The following TMEM44 variants were observed in gnomAD, a reference collection of about 807,000 sequenced individuals.
TMEM44 encodes transmembrane protein 44.
TMEM44 carries 43 observed loss-of-function variants against 47.8 expected under a neutral mutation model. The observed-to-expected ratio is 0.90, with a 90% CI of 0.70 to 1.16. TMEM44 has a LOEUF of 1.16. TMEM44 is among the 50% of genes most tolerant of loss of function. The pLI is 0.00. For missense variants in TMEM44, 568 were observed against 555.2 expected, an observed-to-expected ratio of 1.02 and a Z score of -0.23; for synonymous variants, 277 against 238.8, an observed-to-expected ratio of 1.16 and a Z score of -1.48.
In TMEM44 at chr3:194,593,059, C is replaced by T. The variant is rs1170877066; in HGVS notation, c.1177-4420G>A. The stretch of plus-strand genomic sequence containing the variant: ...TCCATACCTGCTCCGAGTTTAGGGC[C>T]TCCCAATACTTCTGCTGCAGAATAA... On this transcript the variant is annotated intron_variant, in intron 9 of 9. Transcript: ENST00000347147. The T allele has an allele frequency of 3.1e-6, 5 of 1,613,706 alleles. No individual in the cohort carries two copies. The East Asian group carries it at 1.1e-4, about 36-fold the overall frequency.
intron 9 of TMEM44, among the ~76,000 whole-genome samples, chr3:194,600,019 C>T (rs1002574742): frequency 1.3e-5 from 2 of 152,050 alleles, no homozygotes; most frequent in Non-Finnish European, 2.9e-5. Context: ...CTCAGCCTCC[C>T]AAAGTGCTGG....
Position 194,615,609 on chromosome 3 carries a change from G to A in TMEM44, c.872C>T (p.Ala291Val), listed in dbSNP as rs569561589. ...KEARESPDTQ[A>V]LLTCAEKEEE... ...CTCTTTCTCTGCACAGGTCAAAAGG[G>A]CTTGGGTGTCAGGGCTCTCTCTGGC... is the stretch of plus-strand genomic sequence containing the variant. Residue 291 changes from alanine to valine, a missense_variant, in exon 7 of 10, where the codon GCC (alanine) becomes GTC (valine). Physicochemically the swap from Ala to Val is moderately conservative, Grantham distance 64 (BLOSUM62 0). Coordinates refer to ENST00000347147, the MANE Select transcript of TMEM44 (RefSeq NM_001011655.3). The A allele has an allele frequency of 7.4e-6, 12 of 1,614,014 alleles. No homozygotes were observed. Among genetic ancestry groups the A allele is most frequent in the Admixed American group, 1.7e-5 (1 of 59,992 alleles).
rs1712162268 is a variant in TMEM44 at position 194,588,639 on chromosome 3, A to ACT, written c.1177-2_1177-1dup (p.Trp393SerfsTer7). 6.2e-7 allele frequency: 1 copy of ACT among 1,614,134 alleles called. No individual in the cohort carries two copies. Among genetic ancestry groups the ACT allele is most frequent in the African/African-American group, 1.3e-5 (1 of 75,054 alleles). On this transcript the variant is annotated frameshift_variant and splice_region_variant. Transcript: ENST00000347147. LOFTEE classifies it high-confidence loss of function. Reference sequence around the variant, plus strand: ...TCGAGGTTCACATCTTCAGGGTCCCACTATGGAGAAAAGATGCAAAGGGTA... The same window carrying ACT: ...TCGAGGTTCACATCTTCAGGGTCCCACTCTATGGAGAAAAGATGCAAAGGGTA...
chr3:194,606,796 A>G (rs1714818866), intron 8 of TMEM44, among the ~76,000 whole-genome samples: 1 of 151,828 alleles, frequency 6.6e-6, no homozygotes, highest in African/African-American at 2.4e-5. Flanking sequence ...ACACACACAA[A>G]ATAGCCAAGC....
At chr3:194,609,686 G>C (rs1048142907) in intron 8 of TMEM44, among the ~76,000 whole-genome samples, 1 of 151,506 alleles carries the variant, frequency 6.6e-6, no homozygotes, top group African/African-American at 2.4e-5. Flanking sequence ...TCCCTCACCC[G>C]CACCTCCTCA....
At chr3:194,621,296 G>C (rs1716510424) in intron 5 of TMEM44, among the ~76,000 whole-genome samples, 1 of 152,188 alleles carries the variant, frequency 6.6e-6, no homozygotes, top group Non-Finnish European at 1.5e-5. Flanking sequence ...CGCCTGCAGA[G>C]GGAGCATGGC....
chr3:194,603,041 C>T (rs897717948), intron 9 of TMEM44, among the ~76,000 whole-genome samples: 7 of 152,184 alleles, frequency 4.6e-5, no homozygotes, highest in Admixed American at 6.5e-5. Flanking sequence ...CTCCCCGCAC[C>T]AAAAGACAGC....
chr3:194,612,899 G>T (rs368154532), intron 7 of TMEM44, among the ~76,000 whole-genome samples: 1 of 152,094 alleles, frequency 6.6e-6, no homozygotes, highest in East Asian at 1.9e-4. Context: ...TGATCCGCCC[G>T]CCTCTGCCTC....
At chr3:194,622,367 T>C (rs765210232) in intron 5 of TMEM44, among the ~76,000 whole-genome samples, 11 of 152,000 alleles carry the variant, frequency 7.2e-5, no homozygotes, top group Admixed American at 3.9e-4. Flanking sequence ...ACCCCAAACA[T>C]TTGTTTCTAT....
intron 8 of TMEM44, among the ~76,000 whole-genome samples, chr3:194,605,737 G>A (rs967684971): frequency 2.6e-5 from 4 of 152,178 alleles, no homozygotes; most frequent in Admixed American, 6.5e-5. Context: ...AAGAAAGAAA[G>A]TTGTCCTCTC....
intron 9 of TMEM44, among the ~76,000 whole-genome samples, chr3:194,598,218 T>A (rs1713649157): frequency 1.3e-5 from 2 of 152,112 alleles, no homozygotes; most frequent in African/African-American, 4.8e-5. Context: ...AAGTTCTCCC[T>A]CCACGCGAGC....
At chr3:194,614,410 T>G (rs900320353) in intron 7 of TMEM44, among the ~76,000 whole-genome samples, 1 of 152,234 alleles carries the variant, frequency 6.6e-6, no homozygotes. Context: ...TCACATAATT[T>G]ACTTATGTTT....
At chr3:194,589,531 T>C (rs1328459730) in intron 9 of TMEM44, 1 of 152,162 alleles carries the variant, frequency 6.6e-6, no homozygotes, top group African/African-American at 2.4e-5. Flanking sequence ...CTACACGGTG[T>C]TTCCTCTAAA....
At chr3:194,618,990 C>T (rs1374623007) in intron 5 of TMEM44, among the ~76,000 whole-genome samples, 4 of 152,262 alleles carry the variant, frequency 2.6e-5, no homozygotes, top group African/African-American at 4.8e-5. Flanking sequence ...CCTTTCCCAT[C>T]GGCCCTTCCT....
intron 1 of TMEM44, among the ~76,000 whole-genome samples, chr3:194,629,553 G>A (rs937762966): frequency 6.6e-6 from 1 of 152,010 alleles, no homozygotes; most frequent in Admixed American, 6.6e-5. Context: ...GTCACTGATA[G>A]GGCCTCTGAA....
intron 9 of TMEM44, among the ~76,000 whole-genome samples, chr3:194,591,497 A>AAAAT (rs200471907): frequency 1.3e-5 from 2 of 152,210 alleles, no homozygotes; most frequent in African/African-American, 4.8e-5. Flanking sequence ...TCTGTCTCAA[A>AAAAT]AAATAAATAA....
chr3:194,592,671 A>G (rs1383453591), intron 9 of TMEM44, among the ~76,000 whole-genome samples: 5 of 151,532 alleles, frequency 3.3e-5, no homozygotes, highest in African/African-American at 7.3e-5. Flanking sequence ...GCTGGAGTGC[A>G]ATGGTGCAAT....
chr3:194,631,394 C>T (rs1717813613), intron 1 of TMEM44, among the ~76,000 whole-genome samples: 1 of 151,806 alleles, frequency 6.6e-6, no homozygotes, highest in African/African-American at 2.4e-5. Context: ...GACGATTTAG[C>T]TGATTCTGAG....
intron 6 of TMEM44, 93 bp downstream of exon 6, chr3:194,617,006 G>C: frequency 7.4e-7 from 1 of 1,359,438 alleles, no homozygotes. Context: ...CATCTAGCAA[G>C]AGAAAAGAAG....
Sources: gnomAD v4.1 joint callset for allele counts (sites outside exome capture counted in the v4.1 genomes callset) on GRCh38, gnomAD v4.1.1 for gene constraint, MANE v1.5 for transcripts, NCBI Gene and HGNC (gene_info 2026-07-23, HGNC 2026-07-21) for gene names.